The following PKNOX2 variants were observed in gnomAD, a reference collection of about 807,000 sequenced individuals.
The protein encoded by PKNOX2 is PBX/knotted 1 homeobox 2.
A neutral mutation model predicts 53.1 loss-of-function variants in PKNOX2; 14 were observed. The ratio of observed to expected loss-of-function variants is 0.26; its 90% confidence interval spans 0.17 to 0.41. The LOEUF is 0.41. Ranked by LOEUF, PKNOX2 falls within the 10% of genes least tolerant of loss-of-function variation. PKNOX2 has a pLI of 1.00. For synonymous variants in PKNOX2, 257 were observed against 242.8 expected (o/e 1.06, Z -0.54); for missense variants, 496 against 602.8 (o/e 0.82, Z 1.85).
intron 2 of PKNOX2, among the ~76,000 whole-genome samples, chr11:125,273,696 C>G (rs889955654): frequency 6.6e-6 from 1 of 152,166 alleles, no homozygotes. Flanking sequence ...TTGGGCAACA[C>G]CCCATGTTTG....
chr11:125,425,703 A>G (rs1956378346), intron 10 of PKNOX2, among the ~76,000 whole-genome samples: 1 of 152,232 alleles, frequency 6.6e-6, no homozygotes, highest in South Asian at 2.1e-4. Flanking sequence ...AGTTGTGCTA[A>G]AAGTAGCGCT....
intron 4 of PKNOX2, among the ~76,000 whole-genome samples, chr11:125,360,817 C>T (rs1951883918): frequency 6.6e-6 from 1 of 152,174 alleles, no homozygotes; most frequent in Admixed American, 6.5e-5. Context: ...ATATAATTGT[C>T]TCATTTAATT....
intron 10 of PKNOX2, among the ~76,000 whole-genome samples, chr11:125,416,504 CTT>C (rs1437714110): frequency 6.6e-6 from 1 of 151,826 alleles, no homozygotes; most frequent in East Asian, 1.9e-4. Flanking sequence ...AACAGCGACT[CTT>C]TTTGCACTCA....
chr11:125,362,375 T>C (rs371952814), intron 4 of PKNOX2, among the ~76,000 whole-genome samples: 2 of 152,122 alleles, frequency 1.3e-5, no homozygotes, highest in South Asian at 2.1e-4. Context: ...TTTTTCTTTT[T>C]CTTTTTTTGT....
chr11:125,194,892 C>G (rs536109522), intron 1 of PKNOX2, among the ~76,000 whole-genome samples: 1 of 152,316 alleles, frequency 6.6e-6, no homozygotes, highest in Admixed American at 6.5e-5. Flanking sequence ...TAATAACTAA[C>G]CTGTATGCAG....
intron 4 of PKNOX2, among the ~76,000 whole-genome samples, chr11:125,360,872 T>C (rs912188970): frequency 6.6e-6 from 1 of 152,214 alleles, no homozygotes; most frequent in African/African-American, 2.4e-5. Context: ...ATTTTATAGA[T>C]GAGAACCCTG....
chr11:125,190,735 A>G (rs1046219195), intron 1 of PKNOX2, among the ~76,000 whole-genome samples: 4 of 152,118 alleles, frequency 2.6e-5, no homozygotes, highest in African/African-American at 9.7e-5. Flanking sequence ...CCACAGATGC[A>G]AATCCGTGCC....
At chr11:125,316,656 A>C (rs1233061018) in intron 2 of PKNOX2, among the ~76,000 whole-genome samples, 4 of 152,238 alleles carry the variant, frequency 2.6e-5, no homozygotes, top group African/African-American at 7.2e-5. Context: ...ATTATGCCTT[A>C]AAAAACAACA....
intron 2 of PKNOX2, among the ~76,000 whole-genome samples, chr11:125,321,818 C>T (rs1190725942): frequency 6.6e-6 from 1 of 152,240 alleles, no homozygotes; most frequent in Non-Finnish European, 1.5e-5. Flanking sequence ...TTATTTCTCA[C>T]AGTTCTGGAG....
At chr11:125,323,805 C>T (rs1054104502) in intron 2 of PKNOX2, among the ~76,000 whole-genome samples, 10 of 152,004 alleles carry the variant, frequency 6.6e-5, no homozygotes, top group African/African-American at 2.4e-4. Context: ...TGTGGCATGA[C>T]CCTGAACTGG....
At chr11:125,247,806 A>G (rs139228332) in intron 2 of PKNOX2, among the ~76,000 whole-genome samples, 54 of 152,330 alleles carry the variant, frequency 3.5e-4, no homozygotes, top group African/African-American at 1.2e-3. Flanking sequence ...TAGGCAGAGA[A>G]GAATGACCCT....
At chr11:125,244,474 C>A (rs887969637) in intron 2 of PKNOX2, among the ~76,000 whole-genome samples, 4 of 152,202 alleles carry the variant, frequency 2.6e-5, no homozygotes, top group Admixed American at 6.5e-5. Context: ...CTGCTATAAA[C>A]CCTCCCAGGG....
At chr11:125,196,171 T>C (rs1208401311) in intron 1 of PKNOX2, among the ~76,000 whole-genome samples, 2 of 152,190 alleles carry the variant, frequency 1.3e-5, no homozygotes, top group African/African-American at 2.4e-5. Flanking sequence ...GGATTTCCTC[T>C]TGGATCCTGA....
At chr11:125,217,462 T>C (rs975415151) in intron 1 of PKNOX2, among the ~76,000 whole-genome samples, 1 of 152,202 alleles carries the variant, frequency 6.6e-6, no homozygotes, top group African/African-American at 2.4e-5. Context: ...TAGGCAGTTG[T>C]TAACTCCTCT....
intron 2 of PKNOX2, among the ~76,000 whole-genome samples, chr11:125,289,872 A>C (rs917970717): frequency 6.6e-6 from 1 of 152,312 alleles, no homozygotes; most frequent in African/African-American, 2.4e-5. Context: ...TGCAGCCTGG[A>C]GGCTTCATCC....
Position 125,253,849 on chromosome 11 carries a change from C to T in PKNOX2, c.-130+18734C>T, listed in dbSNP as rs76101461. Among the ~76,000 whole-genome samples the T allele has an allele frequency of 1.9e-3, 287 of 152,242 alleles. 3 individuals are homozygous for T. The East Asian group carries it at 0.032, about 17-fold the overall frequency. Reference sequence around the variant, plus strand: ...AGGAGCAGCCAGGCGTCTAGATATGCCCCAGATTGGACTCAGCTCTTCCCA... The same window carrying T: ...AGGAGCAGCCAGGCGTCTAGATATGTCCCAGATTGGACTCAGCTCTTCCCA... On this transcript the variant is annotated intron_variant, in intron 2 of 12. Transcript: ENST00000298282.
chr11:125,344,911 A>C (rs1950892744), intron 3 of PKNOX2, among the ~76,000 whole-genome samples: 1 of 152,084 alleles, frequency 6.6e-6, no homozygotes, highest in African/African-American at 2.4e-5. Flanking sequence ...GTGAGACCTG[A>C]GTGCAAATCC....
intron 10 of PKNOX2, among the ~76,000 whole-genome samples, chr11:125,413,173 A>G (rs1365345690): frequency 6.6e-6 from 1 of 152,222 alleles, no homozygotes; most frequent in Non-Finnish European, 1.5e-5. Flanking sequence ...TACAGTTTCC[A>G]GATGAGAAAG....
At chr11:125,357,997 A>C (rs934340709) in intron 4 of PKNOX2, among the ~76,000 whole-genome samples, 1 of 152,226 alleles carries the variant, frequency 6.6e-6, no homozygotes, top group African/African-American at 2.4e-5. Flanking sequence ...CTTAGAGTCC[A>C]TGTGGGGCCT....
Sources: allele counts gnomAD v4.1 joint callset (sites outside exome capture counted in the v4.1 genomes callset), GRCh38; gene constraint gnomAD v4.1.1; transcripts MANE v1.5; gene names NCBI Gene and HGNC (gene_info 2026-07-23, HGNC 2026-07-21).